The following MYO1B variants were observed in gnomAD, a reference collection of about 807,000 sequenced individuals.
MYO1B encodes the protein myosin IB.
Under a neutral mutation model 159.7 loss-of-function variants are expected in MYO1B, and 72 were observed. The observed-to-expected ratio is 0.45, with a 90% CI of 0.37 to 0.55. The LOEUF is 0.55. MYO1B is among the 20% of genes least tolerant of loss of function. The pLI is 0.00. For synonymous variants in MYO1B, 468 were observed against 473.8 expected (o/e 0.99, Z 0.16); for missense variants, 1,062 against 1,364.8 (o/e 0.78, Z 3.50).
At position 191,341,496 on chromosome 2, in the gene MYO1B, G is replaced by A. The variant is rs1436274669; in HGVS notation, c.382G>A (p.Val128Ile). 5.0e-6 allele frequency: 8 copies of A among 1,613,884 alleles called. No individual in the cohort carries two copies. The highest frequency in any genetic ancestry group is 6.8e-6 in the Non-Finnish European group (8 of 1,179,968). ...SKLVMSYVAA[V>I]CGKGAEVNQV... ...GCTTGTCATGTCCTATGTGGCAGCT[G>A]TTTGTGGAAAAGGAGCAGAAGTTAA... The change falls in exon 5 of 31, where the codon GTT (valine) becomes ATT (isoleucine). Residue 128 changes from valine to isoleucine, a missense_variant. Transcript: ENST00000392318.
rs1388226602 is a variant in MYO1B at position 191,375,511 on chromosome 2, A to AGATAGATG, written c.1185+5222_1185+5223insAGATGGAT. On this transcript the variant is annotated intron_variant, in intron 13 of 30. Coordinates refer to ENST00000392318, the MANE Select transcript of MYO1B (RefSeq NM_001130158.3). ...TAGATAGATAGATAGATAGATAGATAGATGGATCCAACTGTGTGAATAGCC... is the reference window on the plus strand; with the variant it reads ...TAGATAGATAGATAGATAGATAGATAGATAGATGGATGGATCCAACTGTGTGAATAGCC... 5.7e-3 allele frequency among the ~76,000 whole-genome samples: 868 copies of AGATAGATG among 151,856 alleles called. 6 individuals are homozygous for AGATAGATG. Among genetic ancestry groups the AGATAGATG allele is most frequent in the African/African-American group, 0.02 (813 of 41,280 alleles).
chr2:191,398,514 G>T lies in MYO1B; in HGVS notation c.2296-1868G>T, dbSNP rs1394680865. On this transcript the variant is annotated intron_variant, in intron 21 of 30. Coordinates refer to ENST00000392318, the MANE Select transcript of MYO1B (RefSeq NM_001130158.3). Reference sequence around the variant, plus strand: ...GAGGGGCTCCTCACTTCTCAGACGGGGCGGTTGCCAGGCAGAGGGTTTCCT... The same window carrying T: ...GAGGGGCTCCTCACTTCTCAGACGGTGCGGTTGCCAGGCAGAGGGTTTCCT... 2.7e-5 allele frequency among the ~76,000 whole-genome samples: 4 copies of T among 150,726 alleles called. No homozygotes were observed. The East Asian group carries it at 8.1e-4, about 31-fold the overall frequency.
chr2:191,296,048 T>C, intron 2 of MYO1B, 63 bp from the exon 3 acceptor site: 3 of 937,234 alleles, frequency 3.2e-6, no homozygotes, highest in South Asian at 4.0e-5. Flanking sequence ...ACACTAAAGC[T>C]TAAGACGTTA....
At chr2:191,399,825 GT>G (rs1696495676) in intron 21 of MYO1B, among the ~76,000 whole-genome samples, 1 of 152,172 alleles carries the variant, frequency 6.6e-6, no homozygotes, top group Non-Finnish European at 1.5e-5. Context: ...TTGGGGCCCC[GT>G]TTATAGGCGA....
intron 3 of MYO1B, among the ~76,000 whole-genome samples, chr2:191,305,537 C>A (rs186856514): frequency 6.6e-5 from 10 of 152,316 alleles, no homozygotes; most frequent in African/African-American, 2.4e-4. Flanking sequence ...GTTCATTCAT[C>A]TGATAAACAT....
intron 15 of MYO1B, 106 bp downstream of exon 15, chr2:191,383,448 T>TTATATATA (rs1209689273): frequency 7.9e-6 from 1 of 127,350 alleles, no homozygotes; most frequent in Non-Finnish European, 1.5e-5. Flanking sequence ...TCACTGTTTT[T>TTATATATA]TATATATATA....
rs1574351468 is a variant in MYO1B at position 191,291,054 on chromosome 2, G to A, written c.136-5057G>A. Among the ~76,000 whole-genome samples the A allele has an allele frequency of 1.3e-5, 2 of 152,314 alleles. 1 individual carries two copies. The highest frequency in any genetic ancestry group is 1.3e-4 in the Admixed American group (2 of 15,296). On this transcript the variant is annotated intron_variant, in intron 2 of 30. Coordinates refer to ENST00000392318, the MANE Select transcript of MYO1B (RefSeq NM_001130158.3). The stretch of plus-strand genomic sequence containing the variant: ...CCTGGCCGTTCCCTACATCATTGAA[G>A]TAGAATCTCTGAGGATTGGAGTTCT...
chr2:191,423,071 A>G (rs1222604326), intron 30 of MYO1B, among the ~76,000 whole-genome samples: 4 of 152,202 alleles, frequency 2.6e-5, no homozygotes, highest in African/African-American at 7.2e-5. Flanking sequence ...TGCTTGGGAC[A>G]AGAAGTGTTC....
At chr2:191,311,919 G>T (rs1223442831) in intron 3 of MYO1B, among the ~76,000 whole-genome samples, 3 of 151,944 alleles carry the variant, frequency 2.0e-5, no homozygotes, top group Non-Finnish European at 2.9e-5. Flanking sequence ...AGTAGAAAAT[G>T]ATATATAACA....
At chr2:191,259,896 C>G (rs1686690753) in intron 1 of MYO1B, among the ~76,000 whole-genome samples, 1 of 152,068 alleles carries the variant, frequency 6.6e-6, no homozygotes, top group Non-Finnish European at 1.5e-5. Context: ...GCTTCAGGGA[C>G]TGTTGAAATG....
At chr2:191,398,323 C>T (rs1433727391) in intron 21 of MYO1B, among the ~76,000 whole-genome samples, 2 of 121,772 alleles carry the variant, frequency 1.6e-5, no homozygotes, top group African/African-American at 5.9e-5. Context: ...CTGGGCTGGG[C>T]GGCTGGCCGG....
Position 191,370,306 on chromosome 2 carries a change from T to A in MYO1B, c.1185+14T>A, listed in dbSNP as rs201960071. 1 of 1,589,400 alleles carries A rather than the reference T, an allele frequency of 6.3e-7. No individual in the cohort carries two copies. The highest frequency in any genetic ancestry group is 8.6e-7 in the Non-Finnish European group (1 of 1,159,546). On this transcript the variant is annotated intron_variant, in intron 13 of 30. Transcript: ENST00000392318. ...GAGATTTTCGAGGTAAGATTTAAAA[T>A]TTTTTTTGTATTGTCTTTAGTAGAG...
At chr2:191,342,958 A>G (rs962001382) in intron 5 of MYO1B, among the ~76,000 whole-genome samples, 1 of 152,044 alleles carries the variant, frequency 6.6e-6, no homozygotes, top group African/African-American at 2.4e-5. Flanking sequence ...CACTTAACAT[A>G]TTTGTTATGG....
chr2:191,324,708 A>G (rs1312474194), intron 3 of MYO1B, among the ~76,000 whole-genome samples: 2 of 152,140 alleles, frequency 1.3e-5, no homozygotes, highest in African/African-American at 4.8e-5. Context: ...GGTAACTGTA[A>G]TGTGTACATA....
At chr2:191,247,504 A>C (rs1338016313) in intron 1 of MYO1B, among the ~76,000 whole-genome samples, 1 of 152,166 alleles carries the variant, frequency 6.6e-6, no homozygotes, top group African/African-American at 2.4e-5. Flanking sequence ...AAGCACTGGG[A>C]GTTGTCCTCA....
chr2:191,250,221 A>G (rs1427183205), intron 1 of MYO1B, among the ~76,000 whole-genome samples: 1 of 152,244 alleles, frequency 6.6e-6, no homozygotes, highest in Non-Finnish European at 1.5e-5. Context: ...CTTTTGAGAC[A>G]AAAGCTGAGA....
intron 1 of MYO1B, among the ~76,000 whole-genome samples, chr2:191,260,262 T>TTTTTTTTTTTTTTTTTTTTTTTTTTTTG: frequency 7.0e-6 from 1 of 142,454 alleles, no homozygotes; most frequent in Non-Finnish European, 1.6e-5. Context: ...GGCTTTTTTT[T>TTTTTTTTTTTTTTTTTTTTTTTTTTTTG]TTTTTGAATT....
intron 25 of MYO1B, 41 bp from the exon 26 acceptor site, chr2:191,409,003 T>C: frequency 1.3e-6 from 2 of 1,575,200 alleles, no homozygotes; most frequent in Non-Finnish European, 1.7e-6. Flanking sequence ...TCTTTTGTGG[T>C]ATATTTTCCT....
intron 4 of MYO1B, 36 bp downstream of exon 4, chr2:191,330,065 A>C: frequency 6.4e-7 from 1 of 1,568,556 alleles, no homozygotes; most frequent in Non-Finnish European, 8.8e-7. Context: ...CAGAAGGTAA[A>C]TGCTGCACAG....
Sources: allele counts gnomAD v4.1 joint callset (sites outside exome capture counted in the v4.1 genomes callset), GRCh38; gene constraint gnomAD v4.1.1; transcripts MANE v1.5; gene names NCBI Gene and HGNC (gene_info 2026-07-23, HGNC 2026-07-21).